CSMD1: variants seen among roughly 807,000 people sequenced by gnomAD.
The protein encoded by CSMD1 is CUB and sushi domain-containing protein 1.
CSMD1 carries 213 observed loss-of-function variants against 417.5 expected under a neutral mutation model. The ratio of observed to expected loss-of-function variants is 0.51; its 90% confidence interval spans 0.46 to 0.57. CSMD1 has a LOEUF of 0.57. CSMD1 is among the 20% of genes least tolerant of loss of function. The pLI, the probability that CSMD1 is intolerant of heterozygous loss-of-function variation, is 0.00. For missense variants in CSMD1, 6,923 were observed against 4,529.7 expected (o/e 1.53, Z -15.17); for synonymous variants, 2,862 against 1,736.8 (o/e 1.65, Z -16.11).
intron 1 of CSMD1, among the ~76,000 whole-genome samples, chr8:4,802,857 T>C (rs1370403092): frequency 1.3e-5 from 2 of 152,202 alleles, no homozygotes. Flanking sequence ...AGTATGTCCT[T>C]AGAGATGCAA....
intron 2 of CSMD1, among the ~76,000 whole-genome samples, chr8:4,456,260 G>A (rs28649657): frequency 3.3e-5 from 5 of 151,964 alleles, no homozygotes; most frequent in African/African-American, 1.2e-4. Flanking sequence ...GTATGTAACA[G>A]AAAAGATGTT....
At chr8:4,019,076 A>G (rs1426193557) in intron 4 of CSMD1, among the ~76,000 whole-genome samples, 4 of 152,214 alleles carry the variant, frequency 2.6e-5, no homozygotes, top group Non-Finnish European at 4.4e-5. Context: ...ATTTGCTAGA[A>G]ATTGTCTATA....
chr8:3,148,462 G>A (rs567011529), intron 40 of CSMD1, among the ~76,000 whole-genome samples: 1 of 152,302 alleles, frequency 6.6e-6, no homozygotes, highest in South Asian at 2.1e-4. Context: ...TGACTCAGAG[G>A]AAATCATTCA....
At chr8:4,973,422 C>T (rs1003884240) in intron 1 of CSMD1, among the ~76,000 whole-genome samples, 2 of 152,062 alleles carry the variant, frequency 1.3e-5, no homozygotes, top group African/African-American at 4.8e-5. Context: ...GCATTACTTT[C>T]CCCAGTATGG....
At chr8:4,970,069 A>C (rs908254451) in intron 1 of CSMD1, among the ~76,000 whole-genome samples, 25 of 152,180 alleles carry the variant, frequency 1.6e-4, no homozygotes, top group African/African-American at 6.0e-4. Context: ...CAGAAATGAC[A>C]AAAGTATTCA....
chr8:3,208,835 C>G (rs940858988), intron 30 of CSMD1, among the ~76,000 whole-genome samples: 1 of 152,112 alleles, frequency 6.6e-6, no homozygotes, highest in Admixed American at 6.6e-5. Context: ...GCTTCTTGCC[C>G]CTGAACGTCA....
At chr8:3,471,141 C>T (rs1817072707) in intron 11 of CSMD1, among the ~76,000 whole-genome samples, 1 of 152,150 alleles carries the variant, frequency 6.6e-6, no homozygotes, top group Non-Finnish European at 1.5e-5. Context: ...TGTGTGAGCA[C>T]CCCAGATTCT....
intron 51 of CSMD1, among the ~76,000 whole-genome samples, chr8:3,028,202 G>A (rs961929644): frequency 1.3e-5 from 2 of 152,136 alleles, no homozygotes; most frequent in Non-Finnish European, 2.9e-5. Context: ...TGATGTTGGC[G>A]GGAAGAGTCT....
chr8:3,000,358 G>C (rs905840324), intron 52 of CSMD1, among the ~76,000 whole-genome samples: 2 of 150,276 alleles, frequency 1.3e-5, no homozygotes, highest in Non-Finnish European at 3.0e-5. Flanking sequence ...GAAATGGTTT[G>C]TATTTTCCTA....
intron 2 of CSMD1, among the ~76,000 whole-genome samples, chr8:4,580,914 G>A (rs17344544): frequency 0.035 from 5,335 of 152,126 alleles, 146 homozygotes; most frequent in Non-Finnish European, 0.058. Context: ...TGACATCATC[G>A]GAAGTTCAAT....
chr8:4,684,798 A>G (rs1310852166), intron 1 of CSMD1, among the ~76,000 whole-genome samples: 1 of 152,242 alleles, frequency 6.6e-6, no homozygotes, highest in Non-Finnish European at 1.5e-5. Context: ...TTAATTATTG[A>G]GAACAGTAAG....
chr8:3,719,153 A>G (rs1417856580), intron 6 of CSMD1, among the ~76,000 whole-genome samples: 2 of 152,182 alleles, frequency 1.3e-5, no homozygotes, highest in Non-Finnish European at 2.9e-5. Context: ...CTTCTTTTCT[A>G]TACTTCGTTG....
At chr8:3,019,367 T>A (rs1227253632) in intron 51 of CSMD1, among the ~76,000 whole-genome samples, 5 of 152,192 alleles carry the variant, frequency 3.3e-5, no homozygotes, top group Admixed American at 2.0e-4. Context: ...TCCCAAGAAT[T>A]ACATAGTAGT....
At chr8:3,530,058 G>A (rs1797914433) in intron 10 of CSMD1, among the ~76,000 whole-genome samples, 1 of 152,090 alleles carries the variant, frequency 6.6e-6, no homozygotes, top group Admixed American at 6.6e-5. Flanking sequence ...TAAATGCTCA[G>A]TCTATGACCA....
chr8:2,962,344 T>A, intron 61 of CSMD1, 122 bp downstream of exon 61: 1 of 843,764 alleles, frequency 1.2e-6, no homozygotes, highest in South Asian at 1.9e-5. Context: ...AATTATTACC[T>A]TGTACAGAAA....
At chr8:3,771,396 G>A (rs976536423) in intron 5 of CSMD1, among the ~76,000 whole-genome samples, 1 of 152,164 alleles carries the variant, frequency 6.6e-6, no homozygotes, top group African/African-American at 2.4e-5. Context: ...GTTTACAAAG[G>A]AGAGATTTCA....
At position 4,305,296 on chromosome 8, in the gene CSMD1, G is replaced by A. The variant is rs552682250; in HGVS notation, c.415+114657C>T. On this transcript the variant is annotated intron_variant, in intron 3 of 69. Transcript: ENST00000635120. ...GGGAACTGAGCTGCATCAGCCTCCC[G>A]CTAGGAGAGAGTCAGGCCGCCACAA... Among the ~76,000 whole-genome samples, 7 of 152,236 alleles carry A rather than the reference G, an allele frequency of 4.6e-5. No individual in the cohort carries two copies. The East Asian group carries it at 5.8e-4, about 13-fold the overall frequency.
chr8:3,514,149 C>G (rs1430112791), intron 10 of CSMD1, among the ~76,000 whole-genome samples: 1 of 152,190 alleles, frequency 6.6e-6, no homozygotes, highest in African/African-American at 2.4e-5. Flanking sequence ...TCACTTCTGT[C>G]TCCCAGGAAG....
intron 1 of CSMD1, among the ~76,000 whole-genome samples, chr8:4,988,849 A>G (rs529071737): frequency 1.2e-4 from 18 of 152,344 alleles, no homozygotes; most frequent in Middle Eastern, 3.4e-3. Context: ...GGTGTGCATT[A>G]TTTCCATAAA....
Sources: allele counts gnomAD v4.1 joint callset (sites outside exome capture counted in the v4.1 genomes callset), GRCh38; gene constraint gnomAD v4.1.1; transcripts MANE v1.5; gene names NCBI Gene and HGNC (gene_info 2026-07-23, HGNC 2026-07-21).